The following CTIF variants were observed in gnomAD, a reference collection of about 807,000 sequenced individuals.
The protein encoded by CTIF is CBP80/20-dependent translation initiation factor.
CTIF carries 21 observed loss-of-function variants against 66.0 expected under a neutral mutation model. That is an observed-to-expected ratio of 0.32 (90% CI 0.23 to 0.46). The LOEUF is 0.46. Ranked by LOEUF, CTIF falls within the 20% of genes least tolerant of loss-of-function variation. The probability of loss-of-function intolerance (pLI) is 1.00; values close to 1 mark genes in which losing one functional copy is unlikely to be tolerated. For synonymous variants in CTIF, 345 were observed against 326.4 expected, an observed-to-expected ratio of 1.06 and a Z score of -0.62; for missense variants, 739 against 812.7, an observed-to-expected ratio of 0.91 and a Z score of 1.10.
intron 2 of CTIF, among the ~76,000 whole-genome samples, chr18:48,634,027 A>G (rs149694807): frequency 1.2e-3 from 188 of 152,196 alleles, no homozygotes; most frequent in African/African-American, 4.4e-3. Flanking sequence ...CCAGGATCCA[A>G]ATTTGCATGT....
At chr18:48,699,423 T>TGAGCC (rs887854539) in intron 6 of CTIF, among the ~76,000 whole-genome samples, 1 of 121,690 alleles carries the variant, frequency 8.2e-6, no homozygotes, top group Non-Finnish European at 1.8e-5. Flanking sequence ...GGGCTGGGGC[T>TGAGCC]GGGGCTGGGG....
At position 48,619,618 on chromosome 18, in the gene CTIF, C is replaced by A; in HGVS notation, c.53C>A (p.Ser18Tyr). Residue 18 changes from serine to tyrosine, a missense_variant, in exon 2 of 12, where the codon TCC becomes TAC. Transcript: ENST00000256413. ...SASSEAGSSR[S>Y]QEIEELERFI... ...TCCTCGGAGGCAGGGAGCAGCCGCTCCCAGGAGATCGAGGAGCTGGAGCGC... is the reference window on the plus strand; with the variant it reads ...TCCTCGGAGGCAGGGAGCAGCCGCTACCAGGAGATCGAGGAGCTGGAGCGC... The A allele has an allele frequency of 6.2e-7, 1 of 1,604,964 alleles. No homozygotes were observed.
chr18:48,730,585 CTGTGGTG>C (rs1231010178), intron 7 of CTIF, among the ~76,000 whole-genome samples: 9 of 41,012 alleles, frequency 2.2e-4, no homozygotes, highest in Non-Finnish European at 3.9e-4. Context: ...TGAGGGGCCC[CTGTGGTG>C]TGAGGGGCTT....
chr18:48,621,782 G>A (rs2090498174), intron 2 of CTIF: 1 of 228,242 alleles, frequency 4.4e-6, no homozygotes, highest in Non-Finnish European at 8.8e-6. Flanking sequence ...TAGTACAACT[G>A]TTTTGAGGAG....
At chr18:48,771,128 G>GAA (rs1301634829) in intron 9 of CTIF, among the ~76,000 whole-genome samples, 2 of 152,206 alleles carry the variant, frequency 1.3e-5, no homozygotes, top group African/African-American at 4.8e-5. Flanking sequence ...CCTCCTCCAG[G>GAA]AAACCTTCCC....
intron 2 of CTIF, among the ~76,000 whole-genome samples, chr18:48,629,850 C>A (rs1420467826): frequency 1.3e-5 from 2 of 152,168 alleles, no homozygotes; most frequent in Non-Finnish European, 2.9e-5. Context: ...AGTGCCTCAG[C>A]AGCCATGAAG....
At position 48,648,579 on chromosome 18, in the gene CTIF, C is replaced by G. The variant is rs536184544; in HGVS notation, c.252+11894C>G. Among the ~76,000 whole-genome samples, 109 of 152,186 alleles carry G rather than the reference C, an allele frequency of 7.2e-4. 1 individual carries two copies. Among genetic ancestry groups the G allele is most frequent in the African/African-American group, 2.1e-3 (88 of 41,520 alleles). Reference sequence around the variant, plus strand: ...CCCCTGACACCTCCCCCTGTGCTTTCCCCCTCAGTTGCTCTCTGAGAAGAT... The same window carrying G: ...CCCCTGACACCTCCCCCTGTGCTTTGCCCCTCAGTTGCTCTCTGAGAAGAT... On this transcript the variant is annotated intron_variant, in intron 3 of 11. Transcript: ENST00000256413.
chr18:48,574,667 A>C (rs2089490258), intron 1 of CTIF, among the ~76,000 whole-genome samples: 1 of 152,182 alleles, frequency 6.6e-6, no homozygotes. Flanking sequence ...CAGAACAGAA[A>C]AGCAAAAGCT....
At chr18:48,552,091 C>T (rs756666767) in intron 1 of CTIF, among the ~76,000 whole-genome samples, 5 of 152,330 alleles carry the variant, frequency 3.3e-5, no homozygotes, top group Non-Finnish European at 5.9e-5. Flanking sequence ...CGTGAGCCAC[C>T]GTGCCTGGCC....
chr18:48,590,035 G>C (rs1271063526), intron 1 of CTIF, among the ~76,000 whole-genome samples: 1 of 151,942 alleles, frequency 6.6e-6, no homozygotes, highest in Non-Finnish European at 1.5e-5. Flanking sequence ...GATTGCTCTG[G>C]AAGTTCATTG....
intron 3 of CTIF, among the ~76,000 whole-genome samples, chr18:48,651,281 A>G (rs1331931078): frequency 6.6e-6 from 1 of 152,218 alleles, no homozygotes; most frequent in African/African-American, 2.4e-5. Context: ...ATATGCTCAA[A>G]ATAAAGGGAT....
chr18:48,777,591 G>A (rs1458889969), intron 9 of CTIF, among the ~76,000 whole-genome samples: 1 of 152,220 alleles, frequency 6.6e-6, no homozygotes, highest in Non-Finnish European at 1.5e-5. Flanking sequence ...GGAGGACAGA[G>A]CATGGGTCCT....
intron 1 of CTIF, among the ~76,000 whole-genome samples, chr18:48,610,132 C>A (rs1489098788): frequency 6.6e-6 from 1 of 152,046 alleles, no homozygotes; most frequent in Non-Finnish European, 1.5e-5. Flanking sequence ...GGAGCAGGGC[C>A]CTCAAGGATT....
intron 6 of CTIF, among the ~76,000 whole-genome samples, chr18:48,678,265 A>T (rs184186): frequency 0.98 from 148,550 of 152,336 alleles, 72,523 homozygotes; most frequent in East Asian, 1. Context: ...AAGCCTCTAC[A>T]GACAGCTTTG....
chr18:48,690,279 G>T (rs191737400), intron 6 of CTIF, among the ~76,000 whole-genome samples: 24 of 151,906 alleles, frequency 1.6e-4, no homozygotes, highest in African/African-American at 5.3e-4. Context: ...AGTCCTCCTT[G>T]CCCCTTGGCT....
intron 9 of CTIF, among the ~76,000 whole-genome samples, chr18:48,792,461 G>A (rs1055016776): frequency 6.6e-6 from 1 of 152,242 alleles, no homozygotes; most frequent in Non-Finnish European, 1.5e-5. Context: ...CACTCAGGCT[G>A]CTGGGTTGAG....
At chr18:48,568,501 T>G (rs1361681897) in intron 1 of CTIF, among the ~76,000 whole-genome samples, 1 of 151,566 alleles carries the variant, frequency 6.6e-6, no homozygotes, top group Non-Finnish European at 1.5e-5. Context: ...ACAAACTGGG[T>G]GGCTTAAACA....
At chr18:48,773,898 A>G (rs879062008) in intron 9 of CTIF, among the ~76,000 whole-genome samples, 4 of 151,796 alleles carry the variant, frequency 2.6e-5, no homozygotes, top group Admixed American at 2.6e-4. Context: ...TGACAGGACA[A>G]CTCTTTCAAC....
chr18:48,854,965 G>A (rs907210961), intron 10 of CTIF, among the ~76,000 whole-genome samples: 3 of 150,766 alleles, frequency 2.0e-5, no homozygotes, highest in Non-Finnish European at 2.9e-5. Context: ...AGTGCTTACC[G>A]CCATCTGATA....
Sources: allele counts gnomAD v4.1 joint callset (sites outside exome capture counted in the v4.1 genomes callset), GRCh38; gene constraint gnomAD v4.1.1; transcripts MANE v1.5; gene names NCBI Gene and HGNC (gene_info 2026-07-23, HGNC 2026-07-21).